Variants in PLOD2 observed in about 807,000 individuals in gnomAD.
The protein encoded by PLOD2 is procollagen-lysine,2-oxoglutarate 5-dioxygenase 2, also known as lysine hydroxylase 2.
A neutral mutation model predicts 101.0 loss-of-function variants in PLOD2; 65 were observed. That is an observed-to-expected ratio of 0.64 (90% CI 0.53 to 0.79). PLOD2 has a LOEUF of 0.79. PLOD2 is among the 30% of genes least tolerant of loss of function. The pLI is 0.00. For missense variants in PLOD2, 909 were observed against 914.6 expected (o/e 0.99, Z 0.08); for synonymous variants, 314 against 302.9 (o/e 1.04, Z -0.38).
At chr3:146,103,679 T>C (rs1406114536) in intron 6 of PLOD2, among the ~76,000 whole-genome samples, 1 of 152,152 alleles carries the variant, frequency 6.6e-6, no homozygotes, top group East Asian at 1.9e-4. Context: ...TTGCAATATA[T>C]TCTCAATTTT....
Position 146,106,606 on chromosome 3 carries a change from GA to G in PLOD2, c.540del (p.Gln181AsnfsTer23). ...IGYAPYVNRI[V>X]QQWNLQDNDD... is the part of the protein sequence containing the mutation. ...TCATTATCCTGGAGATTCCATTGTTGAACTATACGGTTGACATATGGAGCAT... is the reference window on the plus strand; with the variant it reads ...TCATTATCCTGGAGATTCCATTGTTGACTATACGGTTGACATATGGAGCAT... On this transcript the variant is annotated frameshift_variant, in exon 5 of 20. Coordinates refer to ENST00000282903, the MANE Select transcript of PLOD2 (RefSeq NM_182943.3). LOFTEE classifies it high-confidence loss of function. 1 of 1,589,286 alleles carries G rather than the reference GA, an allele frequency of 6.3e-7. No individual in the cohort carries two copies. Among genetic ancestry groups the G allele is most frequent in the South Asian group, 1.1e-5 (1 of 90,524 alleles).
intron 7 of PLOD2, among the ~76,000 whole-genome samples, chr3:146,092,975 T>C (rs1413402733): frequency 6.6e-6 from 1 of 152,104 alleles, no homozygotes; most frequent in African/African-American, 2.4e-5. Context: ...ATTATCATTA[T>C]ATGATCAATA....
intron 1 of PLOD2, among the ~76,000 whole-genome samples, chr3:146,138,252 G>A (rs1049788434): frequency 6.6e-6 from 1 of 151,712 alleles, no homozygotes; most frequent in Non-Finnish European, 1.5e-5. Flanking sequence ...ATGTGCCACT[G>A]TTCTAGAGAC....
At position 146,160,967 on chromosome 3, in the gene PLOD2, G is replaced by A. The variant is rs2032549755; in HGVS notation, c.23C>T (p.Pro8Leu). ...GACGAGCGCCAGGAGCAGCAGCTGA[G>A]GCTTCACCGTGCATCCCCCCATATT... MGGCTVKPQLLLLALVLH... is the reference protein window; with the variant it reads MGGCTVKLQLLLLALVLH... The change falls in exon 1 of 20, where the codon CCT (proline) becomes CTT (leucine). Residue 8 changes from proline to leucine, a missense_variant. Coordinates refer to ENST00000282903, the MANE Select transcript of PLOD2 (RefSeq NM_182943.3). 5 of 1,594,032 alleles carry A rather than the reference G, an allele frequency of 3.1e-6. No homozygotes were observed. Among genetic ancestry groups the A allele is most frequent in the Non-Finnish European group, 4.3e-6 (5 of 1,170,512 alleles).
chr3:146,121,355 T>C, intron 2 of PLOD2, 107 bp from the exon 3 acceptor site: 1 of 875,070 alleles, frequency 1.1e-6, no homozygotes, highest in Non-Finnish European at 1.9e-6. Context: ...CCGTAACCAC[T>C]CTTCTAATGT....
At chr3:146,137,632 T>C (rs1367986700) in intron 1 of PLOD2, among the ~76,000 whole-genome samples, 1 of 152,106 alleles carries the variant, frequency 6.6e-6, no homozygotes, top group African/African-American at 2.4e-5. Context: ...TTTCAAGCAT[T>C]AGCATGGACT....
At chr3:146,096,012 G>T (rs1265161738) in intron 7 of PLOD2, among the ~76,000 whole-genome samples, 1 of 145,790 alleles carries the variant, frequency 6.9e-6, no homozygotes, top group East Asian at 2.1e-4. Flanking sequence ...TCAGCCTGCC[G>T]AGTGCCTGCG....
At chr3:146,100,455 G>A (rs1296385687) in intron 7 of PLOD2, among the ~76,000 whole-genome samples, 1 of 152,168 alleles carries the variant, frequency 6.6e-6, no homozygotes, top group Non-Finnish European at 1.5e-5. Context: ...TACTGTAACA[G>A]AAGTAGCTCC....
At position 146,071,151 on chromosome 3, in the gene PLOD2, T is replaced by C. The variant is rs1936111612; in HGVS notation, c.2012A>G (p.Asn671Ser). The C allele has an allele frequency of 6.2e-7, 1 of 1,611,224 alleles. No homozygotes were observed. The highest frequency in any genetic ancestry group is 1.1e-5 in the South Asian group (1 of 91,004). The change falls in exon 19 of 20, where the codon AAT (asparagine) becomes AGT (serine). Residue 671 changes from asparagine (N) to serine (S), a missense_variant. Transcript: ENST00000282903. ...TTCAGGGGAGTATTTTACTACAAAA[T>C]TCAGTAGTGCAAATCCCTGAAAAAG... ...GYYTKGFALLNFVVKYSPERQ... is the reference protein window; with the variant it reads ...GYYTKGFALLSFVVKYSPERQ...
chr3:146,102,534 G>A (rs1291122329), intron 7 of PLOD2, among the ~76,000 whole-genome samples: 1 of 152,134 alleles, frequency 6.6e-6, no homozygotes, highest in East Asian at 1.9e-4. Context: ...CAAATGTGCT[G>A]TAAATAGAAT....
chr3:146,081,572 T>G (rs1936541628), intron 12 of PLOD2, among the ~76,000 whole-genome samples, 166 bp downstream of exon 12: 1 of 152,162 alleles, frequency 6.6e-6, no homozygotes. Context: ...TTTTAAGATA[T>G]TAGTTTTATA....
In PLOD2 at chr3:146,121,108, C is replaced by T. The variant is rs4681297; in HGVS notation, c.338+4G>A. 0.77 allele frequency: 1,216,675 copies of T among 1,585,818 alleles called. 467,888 individuals carry two copies. The highest frequency in any genetic ancestry group is 0.82 in the African/African-American group (60,782 of 74,392). ...TTTTAAAATCCACAGGGTGTTTCTC[C>T]TACCATTCAGTAAACATGACAACCA... On this transcript the variant is annotated splice_donor_region_variant and intron_variant, in intron 3 of 19. Coordinates refer to ENST00000282903, the MANE Select transcript of PLOD2 (RefSeq NM_182943.3).
intron 7 of PLOD2, among the ~76,000 whole-genome samples, chr3:146,093,173 T>C (rs993959513): frequency 1.3e-5 from 2 of 152,198 alleles, no homozygotes; most frequent in Admixed American, 1.3e-4. Context: ...ATATTTGGGA[T>C]CCTGTTCAAA....
At chr3:146,104,241 T>C (rs749489339) in intron 6 of PLOD2, 38 bp downstream of exon 6, 1 of 1,201,822 alleles carries the variant, frequency 8.3e-7, no homozygotes, top group East Asian at 2.3e-5. Flanking sequence ...CAGGTGTTTG[T>C]TTGTATACGT....
At chr3:146,076,297 T>C (rs920709979) in intron 15 of PLOD2, 6 of 152,152 alleles carry the variant, frequency 3.9e-5, no homozygotes, top group African/African-American at 1.4e-4. Flanking sequence ...TATGGCTGTA[T>C]AGTATTCTAT....
intron 1 of PLOD2, among the ~76,000 whole-genome samples, chr3:146,127,497 A>G (rs1410239750): frequency 6.6e-6 from 1 of 152,096 alleles, no homozygotes; most frequent in Non-Finnish European, 1.5e-5. Flanking sequence ...TGCAAAGGAC[A>G]GGATTTCATT....
Position 146,160,690 on chromosome 3 carries a change from G to A in PLOD2, c.109+191C>T, listed in dbSNP as rs1576637621. On this transcript the variant is annotated intron_variant, in intron 1 of 19. Transcript: ENST00000282903. ...GAACTCCAAGGAGTCAACGAGGGCG[G>A]GTGCCCCTACACTTCCCCAGGGACC... 3 of 558,896 alleles carry A rather than the reference G, an allele frequency of 5.4e-6. No individual in the cohort carries two copies. The East Asian group carries it at 9.3e-5, about 17-fold the overall frequency. The allele number at this position is 558,896 out of a possible 1,614,324, so 34.6% of individuals were successfully genotyped here.
At chr3:146,120,796 C>T (rs1226518156) in intron 3 of PLOD2, among the ~76,000 whole-genome samples, 2 of 152,096 alleles carry the variant, frequency 1.3e-5, no homozygotes, top group Admixed American at 6.6e-5. Context: ...GCAATCTCGG[C>T]TCACTGCAAC....
chr3:146,096,837 A>G (rs1937186202), intron 7 of PLOD2, among the ~76,000 whole-genome samples: 1 of 122,434 alleles, frequency 8.2e-6, no homozygotes, highest in Non-Finnish European at 1.7e-5. Context: ...CTGGGAAGTG[A>G]GGAGCCCCTC....
Sources: gnomAD v4.1 joint callset for allele counts (sites outside exome capture counted in the v4.1 genomes callset) on GRCh38, gnomAD v4.1.1 for gene constraint, MANE v1.5 for transcripts, NCBI Gene and HGNC (gene_info 2026-07-23, HGNC 2026-07-21) for gene names.